Variants in FRY observed in about 807,000 individuals in gnomAD.
FRY encodes the protein FRY microtubule binding protein.
FRY carries 128 observed loss-of-function variants against 348.4 expected under a neutral mutation model. The ratio of observed to expected loss-of-function variants is 0.37; its 90% CI spans 0.32 to 0.43. The LOEUF (loss-of-function observed/expected upper bound fraction) is 0.43, where lower values mean the gene tolerates loss of function less well. FRY is among the 20% of genes least tolerant of loss of function. The pLI is 1.00. For missense variants in FRY, 2,736 were observed against 3,695.2 expected, an observed-to-expected ratio of 0.74 and a Z score of 6.73; for synonymous variants, 1,370 against 1,374.7, an observed-to-expected ratio of 1.00 and a Z score of 0.08.
chr13:32,270,381 A>T (rs1327709707), intron 55 of FRY, among the ~76,000 whole-genome samples: 1 of 152,044 alleles, frequency 6.6e-6, no homozygotes, highest in Non-Finnish European at 1.5e-5. Context: ...CTAATTTTGT[A>T]TTTTTAGTAA....
chr13:32,233,132 C>G (rs981247481), intron 41 of FRY, among the ~76,000 whole-genome samples: 1 of 152,086 alleles, frequency 6.6e-6, no homozygotes, highest in Non-Finnish European at 1.5e-5. Flanking sequence ...CGTTTACTAC[C>G]CTGAATGTGT....
rs1390472611 is a variant in FRY at position 32,131,144 on chromosome 13, A to G, written c.717-528A>G. 2.0e-5 allele frequency among the ~76,000 whole-genome samples: 3 copies of G among 152,366 alleles called. No individual in the cohort carries two copies. The East Asian group carries it at 5.8e-4, about 29-fold the overall frequency. ...CATTACTAGATTTTTTAACCCAAAAATATATTTTTCAATAATCATTATCCT... is the reference window on the plus strand; with the variant it reads ...CATTACTAGATTTTTTAACCCAAAAGTATATTTTTCAATAATCATTATCCT... On this transcript the variant is annotated intron_variant, in intron 7 of 60. Coordinates refer to ENST00000542859, the MANE Select transcript of FRY (RefSeq NM_023037.3).
intron 55 of FRY, among the ~76,000 whole-genome samples, chr13:32,272,277 A>T (rs540402509): frequency 6.6e-6 from 1 of 152,230 alleles, no homozygotes; most frequent in African/African-American, 2.4e-5. Context: ...GTTAGGTTGG[A>T]TTTTGGAAGA....
chr13:32,212,190 A>G, intron 34 of FRY, 102 bp from the exon 35 acceptor site: 1 of 727,706 alleles, frequency 1.4e-6, no homozygotes, highest in Non-Finnish European at 2.5e-6. Context: ...TTCCAAACAT[A>G]AGAATTTACA....
rs114446115 is a variant in FRY at position 32,145,289 on chromosome 13, G to A, written c.1180-1993G>A. Among the ~76,000 whole-genome samples, 565 of 152,258 alleles carry A rather than the reference G, an allele frequency of 3.7e-3. 7 individuals are homozygous for A. The highest frequency in any genetic ancestry group is 0.013 in the African/African-American group (533 of 41,562). ...TAATCGGTGTAAGATAGACATCGGG[G>A]CAGGGATTGACTTAGGGAGACTGTT... On this transcript the variant is annotated intron_variant, in intron 11 of 60. Coordinates refer to ENST00000542859, the MANE Select transcript of FRY (RefSeq NM_023037.3).
chr13:32,274,597 G>C (rs539185273), intron 55 of FRY, among the ~76,000 whole-genome samples: 2 of 150,856 alleles, frequency 1.3e-5, no homozygotes, highest in Non-Finnish European at 2.9e-5. Context: ...CCAGCTACTC[G>C]GGAGGCTGAG....
rs1310987698 is a variant in FRY at position 32,278,338 on chromosome 13, T to G, written c.8386-127T>G. The G allele has an allele frequency of 4.3e-6, 3 of 693,542 alleles. No individual in the cohort carries two copies. In the East Asian group the frequency reaches 8.1e-5, roughly 19 times the overall value. The allele number at this position is 693,542 out of a possible 1,614,324, so 43.0% of individuals were successfully genotyped here. On this transcript the variant is annotated intron_variant, in intron 57 of 60. Coordinates refer to ENST00000542859, the MANE Select transcript of FRY (RefSeq NM_023037.3). ...CCCAAATACGACCCTTTTCAAAAAGTCATTACAGCACAATTTCATTTTACT... is the reference window on the plus strand; with the variant it reads ...CCCAAATACGACCCTTTTCAAAAAGGCATTACAGCACAATTTCATTTTACT...
intron 46 of FRY, among the ~76,000 whole-genome samples, chr13:32,243,610 C>A (rs1270999844): frequency 2.6e-5 from 4 of 152,146 alleles, no homozygotes; most frequent in African/African-American, 9.7e-5. Flanking sequence ...TGATAACTGA[C>A]AGATTTTATC....
rs185947155 is a variant in FRY at position 32,227,965 on chromosome 13, T to C, written c.5207-491T>C. On this transcript the variant is annotated intron_variant, in intron 39 of 60. Coordinates refer to ENST00000542859, the MANE Select transcript of FRY (RefSeq NM_023037.3). ...CAGGGTTTCACCATGCTAGCCAGGA[T>C]GGTCTCGATCTCCTGACCTTGTGAT... is the stretch of plus-strand genomic sequence containing the variant. Among the ~76,000 whole-genome samples the C allele has an allele frequency of 3.7e-3, 556 of 152,292 alleles. 7 individuals are homozygous for C. Among genetic ancestry groups the C allele is most frequent in the African/African-American group, 0.012 (514 of 41,564 alleles).
intron 7 of FRY, among the ~76,000 whole-genome samples, chr13:32,127,911 A>G (rs147187272): frequency 1.8e-4 from 27 of 152,318 alleles, no homozygotes; most frequent in African/African-American, 6.5e-4. Flanking sequence ...TCCTTATTTT[A>G]GTCATGGATT....
At chr13:32,041,284 T>C (rs903105197) in intron 1 of FRY, among the ~76,000 whole-genome samples, 1 of 28,700 alleles carries the variant, frequency 3.5e-5, no homozygotes, top group African/African-American at 1.4e-4. Context: ...AATCTTCTGC[T>C]TTTTTTTTTT....
At chr13:32,062,846 T>C (rs1334464108) in intron 1 of FRY, among the ~76,000 whole-genome samples, 1 of 152,090 alleles carries the variant, frequency 6.6e-6, no homozygotes, top group Non-Finnish European at 1.5e-5. Flanking sequence ...GAACTGTATA[T>C]AGTTACCATA....
chr13:32,038,242 C>T (rs956186985), intron 1 of FRY, among the ~76,000 whole-genome samples: 3 of 152,114 alleles, frequency 2.0e-5, no homozygotes, highest in Non-Finnish European at 4.4e-5. Context: ...TAATAATCTT[C>T]GTCCATGGTA....
At chr13:32,041,343 A>AAGTG (rs1469138125) in intron 1 of FRY, among the ~76,000 whole-genome samples, 1 of 130,556 alleles carries the variant, frequency 7.7e-6, no homozygotes, top group Non-Finnish European at 1.5e-5. Flanking sequence ...GCCCAGGCTG[A>AAGTG]AGTGCAGTGG....
chr13:32,109,716 T>C (rs986268274), intron 3 of FRY, among the ~76,000 whole-genome samples: 2 of 152,060 alleles, frequency 1.3e-5, no homozygotes, highest in African/African-American at 4.8e-5. Flanking sequence ...GAAACTATAC[T>C]TGGGGGCAGA....
intron 47 of FRY, 132 bp downstream of exon 47, chr13:32,244,314 G>A (rs1026305816): frequency 3.5e-6 from 3 of 845,688 alleles, no homozygotes; most frequent in Admixed American, 1.8e-5. Flanking sequence ...GCACAGCCAG[G>A]GCAGTTAAGA....
At position 32,239,302 on chromosome 13, in the gene FRY, G is replaced by GA. The variant is rs1402397310; in HGVS notation, c.6473dup (p.Asn2158LysfsTer7). 6.2e-7 allele frequency: 1 copy of GA among 1,612,354 alleles called. No homozygotes were observed. Among genetic ancestry groups the GA allele is most frequent in the Admixed American group, 1.7e-5 (1 of 60,018 alleles). ...CCTGCCTCAGCTGATTCAGCATTTT[G>GA]AAAATCCCAATCAGTTCTGTAAGGA... On this transcript the variant is annotated frameshift_variant, in exon 45 of 61. Transcript: ENST00000542859. LOFTEE classifies it high-confidence loss of function. This position sits in a 1 kb window ranked among gnomAD's most constrained non-coding sequence, Gnocchi z 4.3.
At chr13:32,103,029 A>G (rs1050633591) in intron 3 of FRY, among the ~76,000 whole-genome samples, 1 of 152,218 alleles carries the variant, frequency 6.6e-6, no homozygotes, top group African/African-American at 2.4e-5. Flanking sequence ...TTAGACTTGT[A>G]TGATCCAGAA....
At chr13:32,131,367 A>G (rs2138755710) in intron 7 of FRY, among the ~76,000 whole-genome samples, 1 of 152,328 alleles carries the variant, frequency 6.6e-6, no homozygotes, top group South Asian at 2.1e-4. Flanking sequence ...GCCTGAGGAA[A>G]TGGGGTTTTT....
Sources: gnomAD v4.1 joint callset for allele counts (sites outside exome capture counted in the v4.1 genomes callset) on GRCh38, gnomAD v4.1.1 for gene constraint, Gnocchi (gnomAD v3.1) non-coding constraint, MANE v1.5 for transcripts, NCBI Gene and HGNC (gene_info 2026-07-23, HGNC 2026-07-21) for gene names.